Variants in UPP2 observed in about 807,000 individuals in gnomAD.
The protein encoded by UPP2 is UPase 2.
Under a neutral mutation model 26.7 loss-of-function variants are expected in UPP2, and 23 were observed. The ratio of observed to expected loss-of-function variants is 0.86; its 90% CI spans 0.62 to 1.22. UPP2 has a LOEUF of 1.22. Ranked by LOEUF, UPP2 falls within the 50% of genes most tolerant of loss-of-function variation. The pLI is 0.00. For missense variants in UPP2, 387 were observed against 396.7 expected, an observed-to-expected ratio of 0.98 and a Z score of 0.21; for synonymous variants, 127 against 141.3, an observed-to-expected ratio of 0.90 and a Z score of 0.72.
intron 2 of UPP2, among the ~76,000 whole-genome samples, chr2:158,007,017 C>G (rs1017235569): frequency 6.6e-6 from 1 of 152,176 alleles, no homozygotes; most frequent in African/African-American, 2.4e-5. Context: ...TTTCCTTTGC[C>G]TCCCTGACTT....
At chr2:158,098,542 C>T (rs770692598), upstream of UPP2, among the ~76,000 whole-genome samples, 9 of 152,112 alleles carry the variant, frequency 5.9e-5, no homozygotes, top group Non-Finnish European at 8.8e-5. Context: ...GAGAAAACAG[C>T]GGACAATGCC....
chr2:158,004,197 T>C (rs979305833), intron 2 of UPP2, among the ~76,000 whole-genome samples: 2 of 152,156 alleles, frequency 1.3e-5, no homozygotes, highest in Non-Finnish European at 2.9e-5. Flanking sequence ...TTAAAATTAG[T>C]AAATCTTGCT....
chr2:158,014,036 C>A (rs1005440703), intron 2 of UPP2, among the ~76,000 whole-genome samples: 1 of 152,208 alleles, frequency 6.6e-6, no homozygotes, highest in Non-Finnish European at 1.5e-5. Context: ...TAGGATTGAA[C>A]TGCCCACCTA....
chr2:158,030,692 A>G (rs996376380), intron 3 of UPP2, among the ~76,000 whole-genome samples: 12 of 152,206 alleles, frequency 7.9e-5, no homozygotes, highest in Non-Finnish European at 1.6e-4. Flanking sequence ...GAGATTATGA[A>G]TATGAGAAGA....
chr2:158,017,198 C>A (rs1683673011), intron 3 of UPP2, among the ~76,000 whole-genome samples: 1 of 152,136 alleles, frequency 6.6e-6, no homozygotes, highest in Non-Finnish European at 1.5e-5. Context: ...ATAACCAGAG[C>A]TTAAATCTTC....
At chr2:158,122,372 A>T (rs1055596136) in intron 5 of UPP2, among the ~76,000 whole-genome samples, 2 of 152,088 alleles carry the variant, frequency 1.3e-5, no homozygotes, top group African/African-American at 4.8e-5. Flanking sequence ...ATTGAATTTT[A>T]AAAAATTATG....
intron 2 of UPP2, among the ~76,000 whole-genome samples, chr2:158,012,867 T>C (rs1330062581): frequency 6.6e-6 from 1 of 152,196 alleles, no homozygotes; most frequent in Non-Finnish European, 1.5e-5. Flanking sequence ...TAATCTTTAT[T>C]CACTTAAACT....
intron 3 of UPP2, among the ~76,000 whole-genome samples, chr2:158,037,292 G>T (rs144505481): frequency 1.3e-5 from 2 of 151,976 alleles, no homozygotes; most frequent in Non-Finnish European, 2.9e-5. Context: ...GGAGAATCGC[G>T]TGAACCTGGG....
chr2:158,092,061 GA>G (rs1223384511), intron 3 of UPP2, among the ~76,000 whole-genome samples: 1 of 152,126 alleles, frequency 6.6e-6, no homozygotes, highest in African/African-American at 2.4e-5. Flanking sequence ...AAAGATCTGA[GA>G]AAATTTCTCA....
chr2:158,105,497 G>A (rs916484595), intron 1 of UPP2, among the ~76,000 whole-genome samples: 1 of 152,148 alleles, frequency 6.6e-6, no homozygotes, highest in Non-Finnish European at 1.5e-5. Flanking sequence ...ATGCAAATTC[G>A]GACACACATC....
Position 158,010,915 on chromosome 2 carries a change from G to A in UPP2, c.62-4886G>A, listed in dbSNP as rs183908376. On this transcript the variant is annotated intron_variant, in intron 2 of 9. Coordinates refer to the UPP2 transcript ENST00000605860. ...CTAGTAGCTGGGACTACAGGTGCAC[G>A]CCTCCATGCCCAGCTGATTTTTGTA... Among the ~76,000 whole-genome samples the A allele has an allele frequency of 5.3e-5, 8 of 151,990 alleles. No individual in the cohort carries two copies. In the East Asian group the frequency reaches 7.8e-4, roughly 15 times the overall value.
chr2:158,082,090 AC>A lies in UPP2; in HGVS notation c.148-19949del, dbSNP rs568576770. Among the ~76,000 whole-genome samples, 30 of 151,966 alleles carry A rather than the reference AC, an allele frequency of 2.0e-4. No homozygotes were observed. The East Asian group carries it at 5.3e-3, about 27-fold the overall frequency. Reference sequence around the variant, plus strand: ...AGCCTCTTCTTGAGTAGCTGGGACTACAGGTGCCCATTACCATGCCCGGGTA... The same window carrying A: ...AGCCTCTTCTTGAGTAGCTGGGACTAAGGTGCCCATTACCATGCCCGGGTA... On this transcript the variant is annotated intron_variant, in intron 3 of 9. Coordinates refer to the UPP2 transcript ENST00000605860.
intron 3 of UPP2, among the ~76,000 whole-genome samples, chr2:158,043,745 G>A (rs1480755546): frequency 6.6e-6 from 1 of 152,182 alleles, no homozygotes; most frequent in Admixed American, 6.5e-5. Context: ...CGACCATCTG[G>A]TTGGGGAGAT....
At chr2:158,015,889 G>T (rs1397758599) in intron 3 of UPP2, 1 of 443,758 alleles carries the variant, frequency 2.3e-6, no homozygotes, top group Admixed American at 2.4e-5. Context: ...GTGGAACTGT[G>T]AGTCAATTAA....
intron 3 of UPP2, among the ~76,000 whole-genome samples, chr2:158,032,737 G>A (rs944996699): frequency 2.0e-5 from 3 of 152,230 alleles, no homozygotes; most frequent in African/African-American, 7.2e-5. Flanking sequence ...AAATTAGAGA[G>A]CACTACAAAG....
Position 158,135,064 on chromosome 2 carries a change from A to C in UPP2, c.*174A>C. On this transcript the variant is annotated 3_prime_UTR_variant, in exon 7 of 7. Transcript: ENST00000005756. ...GAATTTATTGTAAAAGAATACTCAC[A>C]CTAAATTAAATTCAAATTTCATTTT... is the stretch of plus-strand genomic sequence containing the variant. 1 of 722,068 alleles carries C rather than the reference A, an allele frequency of 1.4e-6. No individual in the cohort carries two copies. Among genetic ancestry groups the C allele is most frequent in the Non-Finnish European group, 2.0e-6 (1 of 499,684 alleles). 44.7% of individuals were successfully genotyped at this position (722,068 alleles called of 1,614,324 possible).
intron 3 of UPP2, among the ~76,000 whole-genome samples, chr2:158,078,377 A>C (rs1195807940): frequency 6.6e-6 from 1 of 152,210 alleles, no homozygotes; most frequent in Admixed American, 6.6e-5. Flanking sequence ...ATTTGGAAGC[A>C]ACCTATGTGT....
chr2:158,094,012 T>C (rs918076015), intron 3 of UPP2, among the ~76,000 whole-genome samples: 2 of 150,374 alleles, frequency 1.3e-5, no homozygotes, highest in Admixed American at 1.3e-4. Flanking sequence ...ATGATTCTTA[T>C]ATATACATAT....
At position 158,102,341 on chromosome 2, in the gene UPP2, T is replaced by C. The variant is rs182217903; in HGVS notation, c.62+216T>C. Reference sequence around the variant, plus strand: ...GTTTTGGGGGTTAGGGTTTGGCTCATCTAAGAAAATGGGGCAAAATAAATT... The same window carrying C: ...GTTTTGGGGGTTAGGGTTTGGCTCACCTAAGAAAATGGGGCAAAATAAATT... On this transcript the variant is annotated intron_variant, in intron 1 of 6. Coordinates refer to ENST00000005756, the MANE Select transcript of UPP2 (RefSeq NM_173355.4). 3.2e-4 allele frequency among the ~76,000 whole-genome samples: 49 copies of C among 152,280 alleles called. 1 individual carries two copies. The highest frequency in any genetic ancestry group is 1.1e-3 in the African/African-American group (45 of 41,558).
Sources: allele counts gnomAD v4.1 joint callset (sites outside exome capture counted in the v4.1 genomes callset), GRCh38; gene constraint gnomAD v4.1.1; transcripts MANE v1.5; gene names NCBI Gene and HGNC (gene_info 2026-07-23, HGNC 2026-07-21).